The following KANSL1 variants were observed in gnomAD, a reference collection of about 807,000 sequenced individuals.
KANSL1 encodes MLL1/MLL complex subunit KANSL1.
KANSL1 carries 22 observed loss-of-function variants against 103.6 expected under a neutral mutation model. The ratio of observed to expected loss-of-function variants is 0.21; its 90% CI spans 0.15 to 0.30. The LOEUF (loss-of-function observed/expected upper bound fraction) is 0.30, where lower values mean the gene tolerates loss of function less well. KANSL1 is among the 10% of genes least tolerant of loss of function. KANSL1 has a pLI of 1.00. For synonymous variants in KANSL1, 600 were observed against 527.6 expected (o/e 1.14, Z -1.88); for missense variants, 1,337 against 1,399.8 (o/e 0.96, Z 0.72).
chr17:46,086,083 TAAC>T (rs1186162689), intron 3 of KANSL1, among the ~76,000 whole-genome samples: 9 of 152,378 alleles, frequency 5.9e-5, no homozygotes, highest in African/African-American at 2.2e-4. Context: ...AGGAAAATAT[TAAC>T]TTTATAATAA....
At chr17:46,039,621 T>G (rs934670157) in intron 8 of KANSL1, 81 bp downstream of exon 8, 1 of 1,488,326 alleles carries the variant, frequency 6.7e-7, no homozygotes, top group African/African-American at 1.4e-5. Context: ...CCAACATGCA[T>G]GCAAACTACA....
At chr17:46,217,913 C>A (rs1188591293) in intron 1 of KANSL1, among the ~76,000 whole-genome samples, 1 of 152,160 alleles carries the variant, frequency 6.6e-6, no homozygotes, top group Non-Finnish European at 1.5e-5. Context: ...GTAATCCCAG[C>A]TACTTAGGAG....
At position 46,065,825 on chromosome 17, in the gene KANSL1, C is replaced by A. The variant is rs59407589; in HGVS notation, c.1848+712G>T. ...TTAATCTCCATTTCCTTTGTGAAGA[C>A]AAACTTTTTTTTAGTAATATCAATT... On this transcript the variant is annotated intron_variant, in intron 6 of 14. Coordinates refer to ENST00000432791, the MANE Select transcript of KANSL1 (RefSeq NM_015443.4). Among the ~76,000 whole-genome samples the A allele has an allele frequency of 2.0e-3, 311 of 152,264 alleles. 2 individuals carry two copies. Among genetic ancestry groups the A allele is most frequent in the African/African-American group, 7.1e-3 (293 of 41,548 alleles).
At chr17:46,222,706 G>C (rs2048568820) in intron 1 of KANSL1, 1 of 152,224 alleles carries the variant, frequency 6.6e-6, no homozygotes, top group Non-Finnish European at 1.5e-5. Context: ...CATCAATCTG[G>C]AAGTCCACAG....
At position 46,050,689 on chromosome 17, in the gene KANSL1, T is replaced by C. The variant is rs567178302; in HGVS notation, c.1864A>G (p.Thr622Ala). ...PLSKKVHRNS[T>A]IRPGCDVNPS... Reference sequence around the variant, plus strand: ...TTCACATCACAGCCAGGGCGGATTGTGCTGTTCCGGTGAACCTGTGAAAAA... The same window carrying C: ...TTCACATCACAGCCAGGGCGGATTGCGCTGTTCCGGTGAACCTGTGAAAAA... The change falls in exon 7 of 15, where the codon ACA (threonine) becomes GCA (alanine). Residue 622 changes from threonine (T) to alanine (A), a missense_variant. Physicochemically the swap from Thr to Ala is moderately conservative, Grantham distance 58. Around this residue, in one of 2 missense-constraint regions of KANSL1, gnomAD observed 780 missense variants for 923.4 expected, o/e 0.84. Coordinates refer to ENST00000432791, the MANE Select transcript of KANSL1 (RefSeq NM_015443.4). 28 of 1,612,688 alleles carry C rather than the reference T, an allele frequency of 1.7e-5. No individual in the cohort carries two copies. The South Asian group carries it at 3.1e-4, about 18-fold the overall frequency.
At chr17:46,181,087 T>C (rs926243274) in intron 1 of KANSL1, among the ~76,000 whole-genome samples, 9 of 152,130 alleles carry the variant, frequency 5.9e-5, no homozygotes, top group Non-Finnish European at 1.0e-4. Flanking sequence ...CAGAAAATAA[T>C]AGTCAAAGTC....
At chr17:46,078,496 C>T (rs2078869899) in intron 4 of KANSL1, among the ~76,000 whole-genome samples, 1 of 151,406 alleles carries the variant, frequency 6.6e-6, no homozygotes, top group Non-Finnish European at 1.5e-5. Flanking sequence ...TCCCTCTTTG[C>T]CACTATTCCC....
At chr17:46,056,528 C>A (rs1376694794) in intron 6 of KANSL1, among the ~76,000 whole-genome samples, 2 of 152,172 alleles carry the variant, frequency 1.3e-5, no homozygotes, top group Non-Finnish European at 2.9e-5. Flanking sequence ...AAATAACTCA[C>A]AACAGTATCT....
intron 1 of KANSL1, among the ~76,000 whole-genome samples, chr17:46,183,497 G>A (rs563217556): frequency 1.3e-5 from 2 of 152,086 alleles, no homozygotes; most frequent in South Asian, 4.1e-4. Flanking sequence ...CTGTTATCAC[G>A]CCACTGCACT....
chr17:46,171,345 T>C lies in KANSL1; in HGVS notation c.799A>G (p.Lys267Glu), dbSNP rs760210329. 1.2e-6 allele frequency: 2 copies of C among 1,614,124 alleles called. No homozygotes were observed. Residue 267 changes from lysine (K) to glutamate (E), a missense_variant, in exon 2 of 15, where the codon AAG becomes GAG. By Grantham distance (56) the Lys-to-Glu change is moderately conservative (BLOSUM62 1). This residue lies in a region of KANSL1 where 557 missense variants were observed against 476.4 expected (regional missense o/e 1.17). Transcript: ENST00000432791. ...NLGGVKLEGKKSPLSSILFSA... is the reference protein window; with the variant it reads ...NLGGVKLEGKESPLSSILFSA... The stretch of plus-strand genomic sequence containing the variant: ...AAAAGAATGGAAGACAGGGGAGACT[T>C]TTTACCCTCCAATTTGACACCCCCC...
At chr17:46,201,745 AG>A (rs1379228590) in intron 1 of KANSL1, among the ~76,000 whole-genome samples, 3 of 151,948 alleles carry the variant, frequency 2.0e-5, no homozygotes, top group African/African-American at 7.3e-5. Flanking sequence ...ACAGTGGCTC[AG>A]GCCTGTAATC....
chr17:46,100,649 A>AG (rs2042273506), intron 2 of KANSL1, among the ~76,000 whole-genome samples: 1 of 152,218 alleles, frequency 6.6e-6, no homozygotes, highest in Admixed American at 6.5e-5. Context: ...TTAGATAAGT[A>AG]GCACCAAAAG....
chr17:46,206,264 G>T (rs1452354072), intron 1 of KANSL1, among the ~76,000 whole-genome samples: 1 of 152,164 alleles, frequency 6.6e-6, no homozygotes, highest in Non-Finnish European at 1.5e-5. Flanking sequence ...CACACTTCCT[G>T]ATTTGAAAAC....
intron 2 of KANSL1, among the ~76,000 whole-genome samples, chr17:46,145,694 G>A (rs2532305): frequency 0.14 from 21,960 of 152,108 alleles, 2,137 homozygotes; most frequent in Middle Eastern, 0.22. Flanking sequence ...ATAAGCTCTA[G>A]GAAATGAGCA....
At chr17:46,099,080 T>C (rs1042567693) in intron 2 of KANSL1, among the ~76,000 whole-genome samples, 2 of 112,916 alleles carry the variant, frequency 1.8e-5, no homozygotes, top group African/African-American at 5.3e-5. Context: ...TCCCAGCACT[T>C]TGGGAGGCCG....
At chr17:46,187,010 G>A (rs1291185838) in intron 1 of KANSL1, among the ~76,000 whole-genome samples, 1 of 152,162 alleles carries the variant, frequency 6.6e-6, no homozygotes, top group Non-Finnish European at 1.5e-5. Context: ...GGGATTACAG[G>A]CATGAGCCAC....
Position 46,032,296 on chromosome 17 carries a change from G to A in KANSL1, c.2841C>T (p.Ser947=). Residue 947 remains serine, a synonymous_variant, in exon 14 of 15, where the codon TCC becomes TCT. Coordinates refer to ENST00000432791, the MANE Select transcript of KANSL1 (RefSeq NM_015443.4). ...TTGTCCGGCCGTCTGATGACCTGTA[G>A]GACCTGCACACCAAGGAATGCAAAT... ...SVPPQRRGSR[S]YRSSDGRTTP... The A allele has an allele frequency of 6.6e-7, 1 of 1,512,192 alleles. No individual in the cohort carries two copies. The highest frequency in any genetic ancestry group is 8.8e-7 in the Non-Finnish European group (1 of 1,132,110). The allele number at this position is 1,512,192 out of a possible 1,614,324, so 93.7% of individuals were successfully genotyped here. A position where few individuals can be genotyped will look rare whatever the true frequency, so the allele number is the denominator to read the frequency against.
upstream of KANSL1, among the ~76,000 whole-genome samples, chr17:46,194,832 T>C (rs1015917661): frequency 8.5e-5 from 13 of 152,180 alleles, no homozygotes; most frequent in Admixed American, 8.5e-4. Context: ...TACAGAACGG[T>C]TTTAGTCTTC....
intron 1 of KANSL1, among the ~76,000 whole-genome samples, chr17:46,188,282 T>C (rs559876605): frequency 3.9e-4 from 60 of 152,362 alleles, no homozygotes; most frequent in Middle Eastern, 3.4e-3. Context: ...CATAGTGTGG[T>C]TCAACTGAGT....
Sources: gnomAD v4.1 joint callset for allele counts (sites outside exome capture counted in the v4.1 genomes callset) on GRCh38, gnomAD v4.1.1 for gene constraint, gnomAD v4.1.1 regional missense constraint, MANE v1.5 for transcripts, NCBI Gene and HGNC (gene_info 2026-07-23, HGNC 2026-07-21) for gene names.